Variants in RARB observed in about 807,000 individuals in gnomAD.
The protein encoded by RARB is retinoic acid receptor beta, also known as HBV-activated protein.
A neutral mutation model predicts 51.9 loss-of-function variants in RARB; 17 were observed. The ratio of observed to expected loss-of-function variants is 0.33; its 90% CI spans 0.22 to 0.49. The LOEUF (loss-of-function observed/expected upper bound fraction) is 0.49, where lower values mean the gene tolerates loss of function less well. Among genes scored for constraint, RARB ranks in the 20% least tolerant of loss-of-function variants. The pLI is 0.99. For missense variants in RARB, 369 were observed against 550.8 expected, an observed-to-expected ratio of 0.67 and a Z score of 3.30; for synonymous variants, 215 against 195.4, an observed-to-expected ratio of 1.10 and a Z score of -0.84.
At chr3:24,963,797 T>C (rs1461556322) in intron 2 of RARB, among the ~76,000 whole-genome samples, 1 of 152,068 alleles carries the variant, frequency 6.6e-6, no homozygotes, top group African/African-American at 2.4e-5. Context: ...AGAATAAGTG[T>C]CTTCTTTTCC....
At chr3:25,197,419 G>A (rs745788902) in intron 5 of RARB, among the ~76,000 whole-genome samples, 19 of 152,058 alleles carry the variant, frequency 1.2e-4, no homozygotes, top group African/African-American at 2.2e-4. Context: ...TGTTCCATTC[G>A]TCTACGTATC....
rs182933349 is a variant in RARB at position 25,045,287 on chromosome 3, G to A, written c.-379-14838G>A. Among the ~76,000 whole-genome samples, 21 of 152,270 alleles carry A rather than the reference G, an allele frequency of 1.4e-4. No homozygotes were observed. The East Asian group carries it at 4.1e-3, about 29-fold the overall frequency. ...TATAGATAGGTCAGTGAGCTTTCTG[G>A]TTTCCCTCTCCCTTTCTTCTCTCCC... On this transcript the variant is annotated intron_variant, in intron 2 of 11. Transcript: ENST00000383772.
intron 5 of RARB, among the ~76,000 whole-genome samples, chr3:25,583,166 C>T (rs1434787697): frequency 6.6e-6 from 1 of 152,194 alleles, no homozygotes; most frequent in Non-Finnish European, 1.5e-5. Flanking sequence ...CCATTTGGCC[C>T]TAGGCAAGAG....
chr3:25,261,039 A>G (rs531872532), intron 5 of RARB, among the ~76,000 whole-genome samples: 1 of 152,270 alleles, frequency 6.6e-6, no homozygotes, highest in African/African-American at 2.4e-5. Context: ...TAAGAGTAGT[A>G]TCTACCTCCT....
chr3:25,356,582 G>C (rs1705742607), intron 5 of RARB, among the ~76,000 whole-genome samples: 1 of 151,862 alleles, frequency 6.6e-6, no homozygotes, highest in Non-Finnish European at 1.5e-5. Flanking sequence ...TGTTACATAG[G>C]TATACATGTG....
At chr3:25,365,204 T>TTC (rs1706077848) in intron 5 of RARB, among the ~76,000 whole-genome samples, 3 of 103,518 alleles carry the variant, frequency 2.9e-5, no homozygotes, top group African/African-American at 1.7e-4. Flanking sequence ...TCTTTCTTTT[T>TTC]TTTTTTTTTT....
intron 5 of RARB, among the ~76,000 whole-genome samples, chr3:25,211,333 T>A (rs138235000): frequency 6.6e-6 from 1 of 152,192 alleles, no homozygotes; most frequent in Non-Finnish European, 1.5e-5. Flanking sequence ...TCATGATTAG[T>A]ATAGATTTGA....
intron 5 of RARB, among the ~76,000 whole-genome samples, chr3:25,244,898 A>T (rs1333754271): frequency 6.6e-6 from 1 of 152,124 alleles, no homozygotes; most frequent in Non-Finnish European, 1.5e-5. Context: ...TAATATTGAC[A>T]GTGTGGTGTT....
chr3:25,044,007 A>C (rs148567515), intron 2 of RARB, among the ~76,000 whole-genome samples: 143 of 151,148 alleles, frequency 9.5e-4, no homozygotes, highest in African/African-American at 3.2e-3. Context: ...GAGGCTCTGC[A>C]GACCTCTCAG....
chr3:25,129,713 G>T (rs1360942525), intron 3 of RARB, among the ~76,000 whole-genome samples: 1 of 151,864 alleles, frequency 6.6e-6, no homozygotes, highest in Non-Finnish European at 1.5e-5. Flanking sequence ...ATGAATTTTA[G>T]AAAAATTCAT....
chr3:25,515,951 A>G (rs1698143530), intron 3 of RARB, among the ~76,000 whole-genome samples: 1 of 152,238 alleles, frequency 6.6e-6, no homozygotes. Context: ...CAAGAAGAGT[A>G]ATACCTCTCA....
intron 2 of RARB, among the ~76,000 whole-genome samples, chr3:24,923,104 A>C (rs1325461281): frequency 6.6e-6 from 1 of 152,212 alleles, no homozygotes; most frequent in African/African-American, 2.4e-5. Flanking sequence ...TAAAAGGTCA[A>C]GAGACCGGGT....
chr3:24,886,294 C>T lies in RARB; in HGVS notation c.-380+27542C>T, dbSNP rs76394223. Among the ~76,000 whole-genome samples, 813 of 152,248 alleles carry T rather than the reference C, an allele frequency of 5.3e-3. 5 individuals are homozygous for T. Among genetic ancestry groups the T allele is most frequent in the Admixed American group, 6.8e-3 (104 of 15,284 alleles). On this transcript the variant is annotated intron_variant, in intron 2 of 11. Coordinates refer to the RARB transcript ENST00000383772. ...ACCCCTTGATGCAGGGGCTGATTCA[C>T]TCATTTCTTTGGAGTCCCTGACAGT...
chr3:24,960,520 G>C (rs1387556314), intron 2 of RARB, among the ~76,000 whole-genome samples: 1 of 152,170 alleles, frequency 6.6e-6, no homozygotes, highest in Non-Finnish European at 1.5e-5. Flanking sequence ...ATGCATACTT[G>C]GGCTAAGAGG....
chr3:25,360,139 T>C (rs1705882532), intron 5 of RARB, among the ~76,000 whole-genome samples: 1 of 152,092 alleles, frequency 6.6e-6, no homozygotes, highest in Non-Finnish European at 1.5e-5. Context: ...TAAGAACTTG[T>C]TTTATGAATC....
intron 1 of RARB, among the ~76,000 whole-genome samples, chr3:25,446,834 A>T (rs995599301): frequency 6.6e-6 from 1 of 150,446 alleles, no homozygotes; most frequent in African/African-American, 2.4e-5. Context: ...AAAAAAAATT[A>T]AAAAATGAAT....
intron 2 of RARB, among the ~76,000 whole-genome samples, chr3:25,023,108 T>C (rs572843077): frequency 6.6e-6 from 1 of 152,288 alleles, no homozygotes; most frequent in African/African-American, 2.4e-5. Flanking sequence ...ACAGCTTCAG[T>C]TCTTTCAGTA....
At chr3:25,557,221 T>C (rs1347433346) in intron 3 of RARB, among the ~76,000 whole-genome samples, 2 of 151,996 alleles carry the variant, frequency 1.3e-5, no homozygotes, top group African/African-American at 4.8e-5. Context: ...CTATAGGTTA[T>C]GTCTACATCA....
chr3:25,354,968 T>C (rs1358966182), intron 5 of RARB, among the ~76,000 whole-genome samples: 1 of 151,952 alleles, frequency 6.6e-6, no homozygotes, highest in South Asian at 2.1e-4. Context: ...GCATTCAGGC[T>C]ATCTGGGTTT....
Sources: gnomAD v4.1 joint callset for allele counts (sites outside exome capture counted in the v4.1 genomes callset) on GRCh38, gnomAD v4.1.1 for gene constraint, MANE v1.5 for transcripts, NCBI Gene and HGNC (gene_info 2026-07-23, HGNC 2026-07-21) for gene names.